AOAH: variants seen among roughly 807,000 people sequenced by gnomAD.
The protein encoded by AOAH is acyloxyacyl hydrolase (neutrophil).
Under a neutral mutation model 92.2 loss-of-function variants are expected in AOAH, and 64 were observed. The observed-to-expected ratio is 0.69, with a 90% CI of 0.57 to 0.86. The LOEUF (loss-of-function observed/expected upper bound fraction) is 0.86. Ranked by LOEUF, AOAH falls within the 40% of genes least tolerant of loss-of-function variation. The pLI is 0.00. For synonymous variants in AOAH, 263 were observed against 254.5 expected (o/e 1.03, Z -0.32); for missense variants, 656 against 694.6 (o/e 0.94, Z 0.62).
chr7:36,694,853 G>C (rs938416515), intron 1 of AOAH, among the ~76,000 whole-genome samples: 1 of 152,168 alleles, frequency 6.6e-6, no homozygotes, highest in African/African-American at 2.4e-5. Flanking sequence ...TGGATGAGTG[G>C]ATGGATAGAT....
chr7:36,678,444 G>A (rs1278504662), intron 2 of AOAH, among the ~76,000 whole-genome samples: 1 of 152,176 alleles, frequency 6.6e-6, no homozygotes, highest in African/African-American at 2.4e-5. Context: ...AACTGGCTTA[G>A]CCTAGAGCAG....
intron 6 of AOAH, among the ~76,000 whole-genome samples, chr7:36,625,187 G>A (rs935257478): frequency 1.3e-5 from 2 of 152,154 alleles, no homozygotes; most frequent in Non-Finnish European, 1.5e-5. Context: ...CTGGATCCCT[G>A]AAAGGACAAG....
In AOAH at chr7:36,621,706, TTACCTTC is replaced by T. The variant is rs751877969; in HGVS notation, c.650_653+3del. 2.5e-6 allele frequency: 4 copies of T among 1,613,852 alleles called. No homozygotes were observed. The East Asian group carries it at 8.9e-5, about 36-fold the overall frequency. ...AAAAATCAGCAACCAGCAGAAATAG[TTACCTTC>T]TACCTGGGTACACTGACTCGTCGCT... On this transcript the variant is annotated splice_donor_variant and splice_donor_region_variant and coding_sequence_variant and intron_variant, in exon 8 of 21. Transcript: ENST00000617537. LOFTEE classifies it high-confidence loss of function.
chr7:36,703,506 T>C (rs1798165716), intron 1 of AOAH, among the ~76,000 whole-genome samples: 1 of 152,158 alleles, frequency 6.6e-6, no homozygotes, highest in African/African-American at 2.4e-5. Context: ...CAACCCGTCA[T>C]CTACATTCGG....
intron 1 of AOAH, among the ~76,000 whole-genome samples, chr7:36,717,033 A>G (rs1799246597): frequency 6.6e-6 from 1 of 151,856 alleles, no homozygotes; most frequent in African/African-American, 2.4e-5. Flanking sequence ...AGCATAGTCG[A>G]CCCTGCATTT....
chr7:36,719,122 AATG>A (rs1799457132), intron 1 of AOAH, among the ~76,000 whole-genome samples: 1 of 152,226 alleles, frequency 6.6e-6, no homozygotes. Context: ...AAACAAGGAT[AATG>A]ATAATACAGA....
At chr7:36,563,306 C>T (rs1787426192) in intron 13 of AOAH, among the ~76,000 whole-genome samples, 1 of 151,922 alleles carries the variant, frequency 6.6e-6, no homozygotes, top group African/African-American at 2.4e-5. Context: ...CTGTCACTGC[C>T]AGGAGACCAC....
rs760463370 is a variant in AOAH at position 36,513,135 on chromosome 7, C to A, written c.*117G>T. 98 of 1,610,598 alleles carry A rather than the reference C, an allele frequency of 6.1e-5. No homozygotes were observed. In the Admixed American group the frequency reaches 1.6e-3, roughly 26 times the overall value. On this transcript the variant is annotated 3_prime_UTR_variant, in exon 21 of 21. Coordinates refer to ENST00000617537, the MANE Select transcript of AOAH (RefSeq NM_001637.4). ...GAGAGAAAGACATTTTGCAAAGATG[C>A]TGCTGAAGAAGAGTCCTTTGGGCCT...
At chr7:36,526,253 G>T (rs919002612) in intron 19 of AOAH, among the ~76,000 whole-genome samples, 3 of 151,100 alleles carry the variant, frequency 2.0e-5, no homozygotes, top group African/African-American at 7.3e-5. Context: ...ATTTACAGAG[G>T]TAAACATCAT....
At chr7:36,703,433 T>C (rs1165916878) in intron 1 of AOAH, among the ~76,000 whole-genome samples, 1 of 152,212 alleles carries the variant, frequency 6.6e-6, no homozygotes, top group Non-Finnish European at 1.5e-5. Flanking sequence ...CTGGGATACA[T>C]GTGCAGAACG....
intron 11 of AOAH, among the ~76,000 whole-genome samples, chr7:36,603,001 C>T (rs1455883789): frequency 6.6e-6 from 1 of 152,210 alleles, no homozygotes; most frequent in Admixed American, 6.5e-5. Flanking sequence ...TGGGTGACTG[C>T]AGCAACCTCT....
At chr7:36,675,480 A>T (rs984555651) in intron 2 of AOAH, among the ~76,000 whole-genome samples, 14 of 152,240 alleles carry the variant, frequency 9.2e-5, no homozygotes. Context: ...TAACAAGTAA[A>T]GAGATTGAAT....
intron 1 of AOAH, among the ~76,000 whole-genome samples, chr7:36,695,781 C>A (rs987707969): frequency 2.0e-5 from 3 of 152,160 alleles, no homozygotes; most frequent in African/African-American, 4.8e-5. Flanking sequence ...TGTAATGATG[C>A]TTTCCGGAGA....
intron 18 of AOAH, among the ~76,000 whole-genome samples, chr7:36,531,030 A>G (rs1183427953): frequency 1.3e-5 from 2 of 152,250 alleles, no homozygotes; most frequent in Admixed American, 1.3e-4. Context: ...CTAAATGTCC[A>G]ACAACAAAAG....
chr7:36,696,639 ATCATGAG>A (rs1158412907), intron 1 of AOAH, among the ~76,000 whole-genome samples: 1 of 152,100 alleles, frequency 6.6e-6, no homozygotes, highest in African/African-American at 2.4e-5. Flanking sequence ...AGGCGGGTGG[ATCATGAG>A]GTCAGGAGTT....
chr7:36,531,355 T>G (rs918862494), intron 18 of AOAH, among the ~76,000 whole-genome samples: 14 of 152,140 alleles, frequency 9.2e-5, no homozygotes, highest in African/African-American at 3.4e-4. Flanking sequence ...GTTTGTTCAT[T>G]TTTGTTTTTG....
At chr7:36,581,931 C>T (rs4532513) in intron 12 of AOAH, among the ~76,000 whole-genome samples, 67,784 of 151,986 alleles carry the variant, frequency 0.45, 15,491 homozygotes, top group Admixed American at 0.54. Context: ...ATTTTAGGAA[C>T]TGCATTTCTC....
At chr7:36,556,990 A>G (rs1219687908) in intron 13 of AOAH, among the ~76,000 whole-genome samples, 154 of 151,510 alleles carry the variant, frequency 1.0e-3, no homozygotes, top group Non-Finnish European at 1.7e-3. Context: ...TTACATTTAA[A>G]GTTAATATTG....
rs760403749 is a variant in AOAH, at chr7:36,540,339, T to C, written c.1286A>G (p.His429Arg). 1 of 1,613,274 alleles carries C rather than the reference T, an allele frequency of 6.2e-7. No individual in the cohort carries two copies. The highest frequency in any genetic ancestry group is 1.7e-5 in the Admixed American group (1 of 59,878). ...PDGTFLWDNL[H>R]NRYHPLGQLN... Reference sequence around the variant, plus strand: ...GATACCGAGAGGATGATATCTGTTGTGCAAATTATCCCAGAGAAAGGTTCC... The same window carrying C: ...GATACCGAGAGGATGATATCTGTTGCGCAAATTATCCCAGAGAAAGGTTCC... Residue 429 changes from histidine to arginine, a missense_variant, in exon 16 of 21, where the codon CAC becomes CGC. Transcript: ENST00000617537.
Sources: gnomAD v4.1 joint callset for allele counts (sites outside exome capture counted in the v4.1 genomes callset) on GRCh38, gnomAD v4.1.1 for gene constraint, MANE v1.5 for transcripts, NCBI Gene and HGNC (gene_info 2026-07-23, HGNC 2026-07-21) for gene names.